The following LINGO2 variants were observed in gnomAD, a reference collection of about 807,000 sequenced individuals.
LINGO2 encodes leucine rich repeat and Ig domain containing 2.
A neutral mutation model predicts 30.6 loss-of-function variants in LINGO2; 14 were observed. The observed-to-expected ratio is 0.46, with a 90% confidence interval of 0.30 to 0.72. LINGO2 has a LOEUF of 0.72. Among genes scored for constraint, LINGO2 ranks in the 30% least tolerant of loss-of-function variants. The probability of loss-of-function intolerance (pLI) is 0.07; values close to 1 mark genes in which losing one functional copy is unlikely to be tolerated. For missense variants in LINGO2, 729 were observed against 751.7 expected (o/e 0.97, Z 0.35); for synonymous variants, 317 against 288.5 (o/e 1.10, Z -1.00).
chr9:28,089,474 A>G (rs1328815281), intron 4 of LINGO2, among the ~76,000 whole-genome samples: 1 of 152,208 alleles, frequency 6.6e-6, no homozygotes, highest in Non-Finnish European at 1.5e-5. Context: ...TACTGGGTGC[A>G]TAATGAAATG....
chr9:28,759,938 C>A, the LINGO2 span, among the ~76,000 whole-genome samples: 1 of 152,058 alleles, frequency 6.6e-6, no homozygotes, highest in Non-Finnish European at 1.5e-5. Context: ...ACACCATCAT[C>A]TACCACTTTC....
rs188417731 is a variant in LINGO2 at position 28,399,484 on chromosome 9, A to G, written c.-278-26616T>C. On this transcript the variant is annotated intron_variant, in intron 2 of 5. Transcript: ENST00000379992. ...ATATTAGGCAAATAAAAATAATTACATAACTGTTAAAAATGATGAGAAATA... is the reference window on the plus strand; with the variant it reads ...ATATTAGGCAAATAAAAATAATTACGTAACTGTTAAAAATGATGAGAAATA... Among the ~76,000 whole-genome samples, 183 of 152,346 alleles carry G rather than the reference A, an allele frequency of 1.2e-3. 1 individual carries two copies. The highest frequency in any genetic ancestry group is 4.2e-3 in the African/African-American group (174 of 41,586).
intron 1 of LINGO2, among the ~76,000 whole-genome samples, chr9:28,604,735 C>G (rs961564291): frequency 4.4e-4 from 66 of 151,670 alleles, no homozygotes; most frequent in Middle Eastern, 3.2e-3. Context: ...TTGAATATAT[C>G]TAGTTTGGCA....
rs551976839 is a variant in LINGO2 at position 28,201,575 on chromosome 9, G to A, written c.-87+93633C>T. The stretch of plus-strand genomic sequence containing the variant: ...TGTCTTTATAGCAGCAAGATTTATA[G>A]TCCTTTGGGTATATACCCAGTAATG... On this transcript the variant is annotated intron_variant, in intron 4 of 5. Coordinates refer to ENST00000379992, the Ensembl canonical transcript of LINGO2. Among the ~76,000 whole-genome samples, 10 of 151,084 alleles carry A rather than the reference G, an allele frequency of 6.6e-5. No homozygotes were observed. In the South Asian group the frequency reaches 1.9e-3, roughly 29 times the overall value.
At chr9:28,913,303 G>A in the LINGO2 span, among the ~76,000 whole-genome samples, 2 of 151,990 alleles carry the variant, frequency 1.3e-5, no homozygotes, top group African/African-American at 4.8e-5. Flanking sequence ...CCTGTTCAGT[G>A]AAATAGAATT....
the LINGO2 span, among the ~76,000 whole-genome samples, chr9:29,157,269 A>G: frequency 1.3e-5 from 2 of 152,154 alleles, no homozygotes; most frequent in Non-Finnish European, 2.9e-5. Flanking sequence ...TAATTACAAT[A>G]AGATTTGATA....
chr9:28,721,556 G>A, the LINGO2 span, among the ~76,000 whole-genome samples: 2 of 152,004 alleles, frequency 1.3e-5, no homozygotes, highest in African/African-American at 4.8e-5. Context: ...AACTAACACA[G>A]GAACAGAAAA....
chr9:29,068,280 G>A, the LINGO2 span, among the ~76,000 whole-genome samples: 2 of 151,720 alleles, frequency 1.3e-5, no homozygotes, highest in African/African-American at 2.4e-5. Flanking sequence ...GGCAAAGGAT[G>A]CTAATAGCTA....
At chr9:28,294,003 A>T (rs1220335706) in intron 4 of LINGO2, among the ~76,000 whole-genome samples, 1 of 152,188 alleles carries the variant, frequency 6.6e-6, no homozygotes, top group Non-Finnish European at 1.5e-5. Flanking sequence ...AAAATTATTC[A>T]CCAGCTCAGT....
At chr9:28,597,874 C>T (rs1825265751) in intron 1 of LINGO2, among the ~76,000 whole-genome samples, 1 of 152,146 alleles carries the variant, frequency 6.6e-6, no homozygotes, top group Non-Finnish European at 1.5e-5. Context: ...AAGTGATTCT[C>T]TGGCCTCAGC....
the LINGO2 span, among the ~76,000 whole-genome samples, chr9:28,880,107 ATTC>A: frequency 1.3e-5 from 2 of 152,150 alleles, no homozygotes; most frequent in African/African-American, 4.8e-5. Context: ...TTAGAAGAAT[ATTC>A]TTTTTTTCTC....
chr9:28,641,073 G>A lies in LINGO2; in HGVS notation c.-365+29127C>T, dbSNP rs961048382. Among the ~76,000 whole-genome samples, 4 of 151,932 alleles carry A rather than the reference G, an allele frequency of 2.6e-5. No homozygotes were observed. The South Asian group carries it at 8.3e-4, about 32-fold the overall frequency. On this transcript the variant is annotated intron_variant, in intron 1 of 5. Coordinates refer to ENST00000379992, the Ensembl canonical transcript of LINGO2. ...TGTTGAGACGGAGTCTCACTCTGTCGCCCAGGCTGGAGTGCAGTGGCGCAA... is the reference window on the plus strand; with the variant it reads ...TGTTGAGACGGAGTCTCACTCTGTCACCCAGGCTGGAGTGCAGTGGCGCAA...
At chr9:28,566,271 G>C (rs922261677) in intron 1 of LINGO2, among the ~76,000 whole-genome samples, 2 of 152,134 alleles carry the variant, frequency 1.3e-5, no homozygotes, top group African/African-American at 4.8e-5. Flanking sequence ...TTGTCTACCA[G>C]AATGGCACCA....
intron 5 of LINGO2, among the ~76,000 whole-genome samples, chr9:27,957,712 T>C (rs1819645246): frequency 6.6e-6 from 1 of 152,244 alleles, no homozygotes. Flanking sequence ...TCCATATAAA[T>C]TTTAGCATCA....
In LINGO2 at chr9:28,050,995, T is replaced by C. The variant is rs1824646115; in HGVS notation, c.-86-38590A>G. Among the ~76,000 whole-genome samples the C allele has an allele frequency of 2.0e-5, 3 of 150,980 alleles. 1 individual carries two copies. The highest frequency in any genetic ancestry group is 7.3e-5 in the African/African-American group (3 of 40,868). ...TCATCAGTAAGAAGTATAGATGAAA[T>C]ACAAGGATGGTTGAAACAAAGTTCT... On this transcript the variant is annotated intron_variant, in intron 4 of 5. Transcript: ENST00000379992.
At chr9:28,870,769 A>T in the LINGO2 span, among the ~76,000 whole-genome samples, 7 of 152,130 alleles carry the variant, frequency 4.6e-5, no homozygotes, top group Admixed American at 3.9e-4. Context: ...TGAACTTTTA[A>T]ATCGTACTAA....
In LINGO2 at chr9:28,374,206, T is replaced by TATATATATA. The variant is rs1554713022; in HGVS notation, c.-278-1339_-278-1338insTATATATAT. 5.6e-3 allele frequency among the ~76,000 whole-genome samples: 620 copies of TATATATATA among 109,764 alleles called. 7 individuals carry two copies. Among genetic ancestry groups the TATATATATA allele is most frequent in the South Asian group, 0.022 (75 of 3,432 alleles). The allele number at this position is 109,764 out of a possible 152,430, so 72.0% of individuals were successfully genotyped here. On this transcript the variant is annotated intron_variant, in intron 2 of 5. Transcript: ENST00000379992. ...CTCTACTTTTGTTAAAAATATGTTT[T>TATATATATA]TATTTATATATATATATATATATAT...
chr9:28,094,160 T>C (rs1021517483), intron 4 of LINGO2, among the ~76,000 whole-genome samples: 2 of 152,076 alleles, frequency 1.3e-5, no homozygotes, highest in African/African-American at 4.8e-5. Context: ...ATAATGAGGG[T>C]AACCTATTTA....
At chr9:28,962,713 T>A in the LINGO2 span, among the ~76,000 whole-genome samples, 27 of 151,910 alleles carry the variant, frequency 1.8e-4, no homozygotes, top group South Asian at 5.4e-3. Context: ...ATTTATCATA[T>A]ATACATCTAT....
Sources: gnomAD v4.1 joint callset for allele counts (sites outside exome capture counted in the v4.1 genomes callset) on GRCh38, gnomAD v4.1.1 for gene constraint, MANE v1.5 for transcripts, NCBI Gene and HGNC (gene_info 2026-07-23, HGNC 2026-07-21) for gene names.